GUCY1A1: variants seen among roughly 807,000 people sequenced by gnomAD.
GUCY1A1 encodes guanylate cyclase soluble subunit alpha-1.
GUCY1A1 carries 48 observed loss-of-function variants against 64.5 expected under a neutral mutation model. The observed-to-expected ratio is 0.74, with a 90% CI of 0.59 to 0.95. The LOEUF is 0.95. Among genes scored for constraint, GUCY1A1 ranks in the 40% least tolerant of loss-of-function variants. The pLI is 0.00. For missense variants in GUCY1A1, 804 were observed against 825.3 expected (o/e 0.97, Z 0.32); for synonymous variants, 308 against 303.4 (o/e 1.02, Z -0.16).
chr4:155,719,321 A>C (rs559433695), intron 8 of GUCY1A1, among the ~76,000 whole-genome samples: 1 of 152,310 alleles, frequency 6.6e-6, no homozygotes, highest in Non-Finnish European at 1.5e-5. Flanking sequence ...GAAACATCAC[A>C]GAGGCAGAGT....
chr4:155,727,887 A>T (rs1433354677), intron 9 of GUCY1A1, among the ~76,000 whole-genome samples: 1 of 151,892 alleles, frequency 6.6e-6, no homozygotes, highest in Non-Finnish European at 1.5e-5. Flanking sequence ...AGCTTGTAGG[A>T]GCTGAGAATA....
rs189002206 is a variant in GUCY1A1, at chr4:155,719,325, G to T, written c.1716+2023G>T. 7.0e-4 allele frequency among the ~76,000 whole-genome samples: 106 copies of T among 152,224 alleles called. 1 individual carries two copies. Among genetic ancestry groups the T allele is most frequent in the African/African-American group, 2.5e-3 (104 of 41,538 alleles). On this transcript the variant is annotated intron_variant, in intron 8 of 9. Transcript: ENST00000506455. ...AAGATACCGGTGAAACATCACAGAG[G>T]CAGAGTGGAGAGTATTTTTAGTAGG...
chr4:155,694,144 C>T (rs1730121938), intron 2 of GUCY1A1, among the ~76,000 whole-genome samples: 2 of 152,092 alleles, frequency 1.3e-5, no homozygotes, highest in Admixed American at 1.3e-4. Context: ...GTTAATAAAG[C>T]TCTTTTCCCT....
rs752197044 is a variant in GUCY1A1 at position 155,710,562 on chromosome 4, A to T, written c.397A>T (p.Lys133Ter). 6.2e-7 allele frequency: 1 copy of T among 1,602,652 alleles called. No individual in the cohort carries two copies. The highest frequency in any genetic ancestry group is 8.5e-7 in the Non-Finnish European group (1 of 1,172,580). ...TTCAGGAGTTCCAGTGGAGGTTATC[A>T]AAGAATCTCTTGGTGAAGAGGTTTT... ...VAAGVPVEVI[K>*]ESLGEEVFKI... The change falls in exon 6 of 10, where the codon AAA becomes TAA. Residue 133 changes from lysine to a stop codon, truncating the protein, a stop_gained. Transcript: ENST00000506455. LOFTEE classifies it high-confidence loss of function.
intron 9 of GUCY1A1, among the ~76,000 whole-genome samples, chr4:155,727,633 T>C (rs1360548274): frequency 5.9e-5 from 9 of 151,750 alleles, no homozygotes; most frequent in Non-Finnish European, 1.3e-4. Context: ...TATTAGACTC[T>C]TATAGTTGCA....
chr4:155,716,938 G>A (rs1014305778), intron 7 of GUCY1A1, among the ~76,000 whole-genome samples: 3 of 152,106 alleles, frequency 2.0e-5, no homozygotes, highest in African/African-American at 2.4e-5. Context: ...TGTGTTCATA[G>A]GACTGTACTG....
At chr4:155,688,488 G>C (rs1249925505) in intron 2 of GUCY1A1, among the ~76,000 whole-genome samples, 2 of 152,168 alleles carry the variant, frequency 1.3e-5, no homozygotes, top group African/African-American at 4.8e-5. Flanking sequence ...TCAAGGATTT[G>C]TTGTCACTTT....
At position 155,730,032 on chromosome 4, in the gene GUCY1A1, T is replaced by C; in HGVS notation, c.1874T>C (p.Leu625Ser). ...GTATTATATTTTAATATTTTCAGAT[T>C]ACTCAAAGACTGTCCTGGTTTCGTG... Reference protein sequence around the residue: ...KINVSPTTYRLLKDCPGFVFT... With the variant: ...KINVSPTTYRSLKDCPGFVFT... Residue 625 changes from leucine to serine, a missense_variant and splice_region_variant, in exon 10 of 10, where the codon TTA becomes TCA. Leu to Ser is a moderately radical substitution (Grantham distance 145). Transcript: ENST00000506455. The C allele has an allele frequency of 1.3e-6, 2 of 1,580,122 alleles. No homozygotes were observed. Among genetic ancestry groups the C allele is most frequent in the Non-Finnish European group, 1.7e-6 (2 of 1,150,378 alleles).
intron 2 of GUCY1A1, among the ~76,000 whole-genome samples, chr4:155,693,776 C>T (rs1032758576): frequency 6.6e-6 from 1 of 152,058 alleles, no homozygotes; most frequent in Non-Finnish European, 1.5e-5. Context: ...CCGTGCAGTA[C>T]AGGAAAAGAA....
intron 8 of GUCY1A1, among the ~76,000 whole-genome samples, chr4:155,720,379 C>CTATCTATCTATCT (rs61665821): frequency 6.7e-6 from 1 of 148,788 alleles, no homozygotes; most frequent in East Asian, 2.0e-4. Context: ...ATCTATCTAT[C>CTATCTATCTATCT]ACTTGCTAAA....
intron 2 of GUCY1A1, among the ~76,000 whole-genome samples, chr4:155,677,476 G>A (rs1027537247): frequency 6.6e-6 from 1 of 152,134 alleles, no homozygotes. Flanking sequence ...GCTCACAATG[G>A]CAGTCCTAGA....
At position 155,673,625 on chromosome 4, in the gene GUCY1A1, T is replaced by C. The variant is rs142530044; in HGVS notation, c.-113+6206T>C. Among the ~76,000 whole-genome samples the C allele has an allele frequency of 6.3e-3, 958 of 151,484 alleles. 61 individuals are homozygous for C. The highest frequency in any genetic ancestry group is 0.022 in the African/African-American group (892 of 40,834). On this transcript the variant is annotated intron_variant, in intron 2 of 9. Coordinates refer to ENST00000506455, the MANE Select transcript of GUCY1A1 (RefSeq NM_001130682.3). ...AAGGATTCACTGCAGGGATCAGATG[T>C]GTGTGTGGGTGTGCATGTGTGTGTT...
At chr4:155,701,352 C>A (rs543830483) in intron 3 of GUCY1A1, among the ~76,000 whole-genome samples, 25 of 152,172 alleles carry the variant, frequency 1.6e-4, no homozygotes, top group African/African-American at 5.8e-4. Context: ...GAAAGCCAAA[C>A]ATACATTTGC....
At chr4:155,722,632 A>T (rs528801926) in intron 9 of GUCY1A1, 1 of 164,000 alleles carries the variant, frequency 6.1e-6, no homozygotes, top group Non-Finnish European at 1.3e-5. Context: ...GGACCTAAGT[A>T]TGCATTTAGA....
intron 6 of GUCY1A1, among the ~76,000 whole-genome samples, chr4:155,711,929 A>G (rs974169729): frequency 1.3e-5 from 2 of 152,234 alleles, no homozygotes; most frequent in African/African-American, 2.4e-5. Flanking sequence ...TGTTTAAAAA[A>G]TGAGTAATAT....
At chr4:155,710,465 T>A in intron 5 of GUCY1A1, 77 bp from the exon 6 acceptor site, 1 of 897,318 alleles carries the variant, frequency 1.1e-6, no homozygotes, top group Non-Finnish European at 1.7e-6. Flanking sequence ...ATAACGCAAG[T>A]TGAAAATAGG....
chr4:155,696,338 C>G (rs1730402444), intron 2 of GUCY1A1, among the ~76,000 whole-genome samples: 2 of 151,542 alleles, frequency 1.3e-5, no homozygotes, highest in Admixed American at 1.3e-4. Context: ...TTTTACTGTT[C>G]TGACTTTTCA....
Position 155,713,304 on chromosome 4 carries a change from G to A in GUCY1A1, c.1293G>A (p.Lys431=). The A allele has an allele frequency of 6.2e-7, 1 of 1,614,204 alleles. No homozygotes were observed. The highest frequency in any genetic ancestry group is 8.5e-7 in the Non-Finnish European group (1 of 1,180,036). The change falls in exon 7 of 10, where the codon AAG becomes AAA. Residue 431 remains lysine, a synonymous_variant. Coordinates refer to ENST00000506455, the MANE Select transcript of GUCY1A1 (RefSeq NM_001130682.3). ...ATGGCCTGAAGAAGAGGCTGGGGAA[G>A]CTGAAGGCTACCCTTGAGCAAGCCC... ...AQDGLKKRLG[K]LKATLEQAHQ...
intron 2 of GUCY1A1, among the ~76,000 whole-genome samples, chr4:155,682,758 G>T (rs1735989036): frequency 7.9e-6 from 1 of 126,012 alleles, no homozygotes; most frequent in Non-Finnish European, 1.8e-5. Flanking sequence ...AGGCTTTGAA[G>T]AAAATTAAAG....
Sources: gnomAD v4.1 joint callset for allele counts (sites outside exome capture counted in the v4.1 genomes callset) on GRCh38, gnomAD v4.1.1 for gene constraint, MANE v1.5 for transcripts, NCBI Gene and HGNC (gene_info 2026-07-23, HGNC 2026-07-21) for gene names.